NRP1: variants seen among roughly 807,000 people sequenced by gnomAD.
NRP1 encodes the protein neuropilin 1, also known as neuropilin-1.
NRP1 carries 35 observed loss-of-function variants against 106.7 expected under a neutral mutation model. The observed-to-expected ratio is 0.33, with a 90% CI of 0.25 to 0.43. The LOEUF is 0.43. NRP1 is among the 20% of genes least tolerant of loss of function. NRP1 has a pLI of 1.00. For missense variants in NRP1, 1,024 were observed against 1,170.4 expected (o/e 0.87, Z 1.83); for synonymous variants, 437 against 417.9 (o/e 1.05, Z -0.56).
intron 2 of NRP1, among the ~76,000 whole-genome samples, chr10:33,271,540 C>T (rs1487238219): frequency 2.0e-5 from 3 of 152,158 alleles, no homozygotes; most frequent in Non-Finnish European, 4.4e-5. Context: ...ACCCACTAGT[C>T]TGAATATTTA....
At chr10:33,229,849 G>A (rs1839967415) in intron 6 of NRP1, among the ~76,000 whole-genome samples, 1 of 152,068 alleles carries the variant, frequency 6.6e-6, no homozygotes, top group African/African-American at 2.4e-5. Context: ...GCAATGAAAT[G>A]CATTGGCAAC....
At position 33,179,196 on chromosome 10, in the gene NRP1, A is replaced by G. The variant is rs2506142; in HGVS notation, c.*880T>C. On this transcript the variant is annotated 3_prime_UTR_variant, in exon 17 of 17. Transcript: ENST00000374867. ...CCCTTGCCTGCCCGGAGGGGCTGGC[A>G]TCTCACACGAAAATAAACTTTCTTC... 31,628 of 152,540 alleles carry G rather than the reference A, an allele frequency of 0.21. 3,636 individuals carry two copies. Among genetic ancestry groups the G allele is most frequent in the African/African-American group, 0.32 (13,102 of 41,446 alleles). 9.4% of individuals were successfully genotyped at this position (152,540 alleles called of 1,614,324 possible).
At position 33,331,275 on chromosome 10, in the gene NRP1, T is replaced by A. The variant is rs527487298; in HGVS notation, c.74-393A>T. Among the ~76,000 whole-genome samples the A allele has an allele frequency of 1.5e-3, 232 of 152,334 alleles. 1 individual carries two copies. Among genetic ancestry groups the A allele is most frequent in the South Asian group, 2.5e-3 (12 of 4,820 alleles). Reference sequence around the variant, plus strand: ...TAAGTAGCAAGTTCTAAGTGGAAAGTGACTGAAAGATGCTGTTCGACCCCT... The same window carrying A: ...TAAGTAGCAAGTTCTAAGTGGAAAGAGACTGAAAGATGCTGTTCGACCCCT... On this transcript the variant is annotated intron_variant, in intron 1 of 16. Coordinates refer to ENST00000374867, the MANE Select transcript of NRP1 (RefSeq NM_003873.7).
intron 9 of NRP1, among the ~76,000 whole-genome samples, chr10:33,209,595 G>C (rs912345672): frequency 6.6e-6 from 1 of 152,232 alleles, no homozygotes; most frequent in African/African-American, 2.4e-5. Context: ...TCTTGCCTCA[G>C]CCTCCAGACT....
Position 33,180,081 on chromosome 10 carries a change from C to G in NRP1, c.2767G>C (p.Ala923Pro). ...CTTTTCATCTCTGTCTGCCTTCATG[C>G]CTCCGAATAAGTACTCTGTGTATTC... ...KLNTQSTYSEA is the reference protein window; with the variant it reads ...KLNTQSTYSEP The change falls in exon 17 of 17, where the codon GCA becomes CCA. Residue 923 changes from alanine (A) to proline (P), a missense_variant. Ala to Pro is a conservative substitution (Grantham distance 27). Transcript: ENST00000374867. 4.3e-6 allele frequency: 7 copies of G among 1,613,754 alleles called. No individual in the cohort carries two copies. The highest frequency in any genetic ancestry group is 5.9e-6 in the Non-Finnish European group (7 of 1,179,764).
intron 16 of NRP1, among the ~76,000 whole-genome samples, chr10:33,181,158 C>G (rs1020464617): frequency 2.0e-5 from 3 of 152,160 alleles, no homozygotes; most frequent in Non-Finnish European, 4.4e-5. Context: ...AGCCTAATTA[C>G]CTGGTACTAG....
intron 11 of NRP1, among the ~76,000 whole-genome samples, chr10:33,199,648 C>T (rs1239115463): frequency 6.6e-6 from 1 of 151,600 alleles, no homozygotes; most frequent in Non-Finnish European, 1.5e-5. Flanking sequence ...GCTGTTTTTC[C>T]TTATGTCTAT....
intron 6 of NRP1, among the ~76,000 whole-genome samples, chr10:33,241,607 C>T (rs888867996): frequency 6.6e-6 from 1 of 151,738 alleles, no homozygotes; most frequent in Non-Finnish European, 1.5e-5. Context: ...AGGTGAAATG[C>T]CTTTTTGGTG....
At chr10:33,241,708 T>A (rs1253739080) in intron 6 of NRP1, among the ~76,000 whole-genome samples, 1 of 149,334 alleles carries the variant, frequency 6.7e-6, no homozygotes, top group Non-Finnish European at 1.5e-5. Context: ...CTAAGGCACA[T>A]GTTTGGAAAG....
At chr10:33,185,197 C>T (rs1033792693) in intron 15 of NRP1, among the ~76,000 whole-genome samples, 2 of 152,182 alleles carry the variant, frequency 1.3e-5, no homozygotes, top group Admixed American at 1.3e-4. Flanking sequence ...TTCTATGGTT[C>T]ATTAACAATG....
intron 15 of NRP1, among the ~76,000 whole-genome samples, chr10:33,184,461 T>C (rs1835882429): frequency 6.6e-6 from 1 of 152,256 alleles, no homozygotes; most frequent in South Asian, 2.1e-4. Context: ...GTGGAGTTTG[T>C]TCTCACATCC....
At chr10:33,218,824 C>T (rs146275810) in intron 8 of NRP1, among the ~76,000 whole-genome samples, 117 of 152,148 alleles carry the variant, frequency 7.7e-4, no homozygotes, top group East Asian at 2.3e-3. Context: ...GAGGTCCAGC[C>T]GCTTGTTTCT....
chr10:33,214,406 T>A (rs917167181), intron 8 of NRP1, among the ~76,000 whole-genome samples: 1 of 152,214 alleles, frequency 6.6e-6, no homozygotes, highest in African/African-American at 2.4e-5. Flanking sequence ...ATTGGTGGCA[T>A]CACCAATCAT....
chr10:33,267,428 A>G (rs1178937175), intron 3 of NRP1, among the ~76,000 whole-genome samples: 1 of 152,182 alleles, frequency 6.6e-6, no homozygotes, highest in Non-Finnish European at 1.5e-5. Flanking sequence ...AGTAACTTGT[A>G]TAGCTATAAG....
chr10:33,292,439 C>A (rs1845065240), intron 2 of NRP1, among the ~76,000 whole-genome samples: 1 of 152,090 alleles, frequency 6.6e-6, no homozygotes, highest in Non-Finnish European at 1.5e-5. Flanking sequence ...TTAAAATCTT[C>A]ATTCAAAAAA....
intron 2 of NRP1, 70 bp downstream of exon 2, chr10:33,330,638 T>G (rs116356873): frequency 8.7e-6 from 12 of 1,379,908 alleles, no homozygotes; most frequent in South Asian, 2.9e-5. Flanking sequence ...ACACACCGAC[T>G]TCCCCCCCGT....
At chr10:33,219,967 G>A (rs1315354891) in intron 8 of NRP1, among the ~76,000 whole-genome samples, 1 of 152,198 alleles carries the variant, frequency 6.6e-6, no homozygotes, top group African/African-American at 2.4e-5. Context: ...TCATCTAACT[G>A]CTGATCAAAA....
At chr10:33,259,449 G>A (rs1332160995) in intron 4 of NRP1, among the ~76,000 whole-genome samples, 17 of 152,140 alleles carry the variant, frequency 1.1e-4, no homozygotes, top group Admixed American at 1.0e-3. Context: ...ACTCTTATCC[G>A]TCTCGTGTGT....
chr10:33,293,987 TAAA>T (rs1845194820), intron 2 of NRP1, among the ~76,000 whole-genome samples: 1 of 152,216 alleles, frequency 6.6e-6, no homozygotes, highest in South Asian at 2.1e-4. Flanking sequence ...AAATACCAAC[TAAA>T]ATACACTCTT....
Sources: gnomAD v4.1 joint callset for allele counts (sites outside exome capture counted in the v4.1 genomes callset) on GRCh38, gnomAD v4.1.1 for gene constraint, MANE v1.5 for transcripts, NCBI Gene and HGNC (gene_info 2026-07-23, HGNC 2026-07-21) for gene names.